SLC38A2: variants seen among roughly 807,000 people sequenced by gnomAD.
The protein encoded by SLC38A2 is solute carrier family 38 member 2, also known as sodium-coupled neutral amino acid symporter 2.
SLC38A2 carries 11 observed loss-of-function variants against 61.5 expected under a neutral mutation model. The observed-to-expected ratio is 0.18, with a 90% CI of 0.11 to 0.30. The LOEUF (loss-of-function observed/expected upper bound fraction) is 0.30, where lower values mean the gene tolerates loss of function less well. Ranked by LOEUF, SLC38A2 falls within the 10% of genes least tolerant of loss-of-function variation. The pLI, the probability that SLC38A2 is intolerant of heterozygous loss-of-function variation, is 1.00. For synonymous variants in SLC38A2, 217 were observed against 212.5 expected, an observed-to-expected ratio of 1.02 and a Z score of -0.18; for missense variants, 522 against 600.4, an observed-to-expected ratio of 0.87 and a Z score of 1.36.
chr12:46,372,276 G>A (rs1333447661), intron 1 of SLC38A2: 2 of 168,854 alleles, frequency 1.2e-5, no homozygotes, highest in Non-Finnish European at 2.5e-5. Flanking sequence ...ATGCGGCTCC[G>A]CACCGTGCAG....
In SLC38A2 at chr12:46,363,826, G is replaced by A; in HGVS notation, c.954C>T (p.Asp318=). ...AVLPIYEELK[D]RSRRRMMNVS... ...CATTCATCATTCTTCTACGGCTGCG[G>A]CTATGTAATTCAAGAGAAAATTCAA... Residue 318 remains aspartate, a splice_region_variant and synonymous_variant, in exon 12 of 16, where the codon GAC becomes GAT. Coordinates refer to ENST00000256689, the MANE Select transcript of SLC38A2 (RefSeq NM_018976.5). 6.3e-7 allele frequency: 1 copy of A among 1,590,758 alleles called. No homozygotes were observed. Among genetic ancestry groups the A allele is most frequent in the Non-Finnish European group, 8.5e-7 (1 of 1,171,870 alleles).
chr12:46,370,752 G>T, intron 3 of SLC38A2, 24 bp downstream of exon 3: 2 of 1,585,584 alleles, frequency 1.3e-6, no homozygotes, highest in South Asian at 2.2e-5. Context: ...GCCACTGACA[G>T]ACAAATTACT....
At chr12:46,364,918 T>C (rs968359923) in intron 8 of SLC38A2, 189 bp downstream of exon 8, 4 of 687,806 alleles carry the variant, frequency 5.8e-6, no homozygotes, top group African/African-American at 3.7e-5. Flanking sequence ...ATTTGCATTA[T>C]TTCTTACAAA....
intron 8 of SLC38A2, 182 bp downstream of exon 8, chr12:46,364,925 C>G: frequency 1.5e-6 from 1 of 687,652 alleles, no homozygotes; most frequent in South Asian, 2.0e-5. Flanking sequence ...TTATTTCTTA[C>G]AAAGCACAAC....
At position 46,372,745 on chromosome 12, in the gene SLC38A2, G is replaced by A. The variant is rs951784729; in HGVS notation, c.-323C>T. On this transcript the variant is annotated 5_prime_UTR_variant, in exon 1 of 16. The change creates a new upstream start codon in the 5' untranslated region. Transcript: ENST00000256689. The stretch of plus-strand genomic sequence containing the variant: ...CTGCTGCTAGCAGTACTGGAAAGGC[G>A]TTCTAAGGCGGCGGCGTCGCGCGGC... 4 of 398,272 alleles carry A rather than the reference G, an allele frequency of 1.0e-5. No individual in the cohort carries two copies. The highest frequency in any genetic ancestry group is 1.3e-4 in the South Asian group (1 of 7,866). 24.7% of individuals were successfully genotyped at this position (398,272 alleles called of 1,614,324 possible).
intron 4 of SLC38A2, chr12:46,367,547 T>A: frequency 1.7e-6 from 1 of 591,088 alleles, no homozygotes; most frequent in Admixed American, 3.2e-5. Flanking sequence ...ATTTCTCAGG[T>A]GATAGTTCTA....
intron 15 of SLC38A2, chr12:46,361,941 A>G (rs1229042121): frequency 5.4e-6 from 1 of 184,464 alleles, no homozygotes; most frequent in South Asian, 1.3e-4. Flanking sequence ...TCTCTTTTAT[A>G]TATTCAATGC....
intron 4 of SLC38A2, among the ~76,000 whole-genome samples, chr12:46,370,012 C>T (rs1057332103): frequency 3.9e-5 from 6 of 152,142 alleles, no homozygotes; most frequent in African/African-American, 9.7e-5. Context: ...ATGACCTCCT[C>T]GTCTTAAAAC....
chr12:46,365,358 T>C, intron 7 of SLC38A2, 169 bp from the exon 8 acceptor site: 1 of 634,878 alleles, frequency 1.6e-6, no homozygotes, highest in East Asian at 2.7e-5. Context: ...TTTAATTTTG[T>C]GTGCTAGATG....
rs2120575339 is a variant in SLC38A2, at chr12:46,371,387, A to T, written c.-86-8T>A. ...AGCGGCCCGCGAGTCGGCCTGCGAAAGTAGAGGCGGCGCGTCAGGACCGCA... is the reference window on the plus strand; with the variant it reads ...AGCGGCCCGCGAGTCGGCCTGCGAATGTAGAGGCGGCGCGTCAGGACCGCA... On this transcript the variant is annotated splice_polypyrimidine_tract_variant and splice_region_variant and intron_variant, in intron 1 of 15. Coordinates refer to ENST00000256689, the MANE Select transcript of SLC38A2 (RefSeq NM_018976.5). 1 of 1,001,766 alleles carries T rather than the reference A, an allele frequency of 1.0e-6. No homozygotes were observed. The highest frequency in any genetic ancestry group is 1.6e-5 in the African/African-American group (1 of 61,418). The allele number at this position is 1,001,766 out of a possible 1,614,324, so 62.1% of individuals were successfully genotyped here.
At chr12:46,371,115 A>G (rs1943192039) in intron 2 of SLC38A2, 63 bp downstream of exon 2, 2 of 1,319,296 alleles carry the variant, frequency 1.5e-6, no homozygotes, top group Non-Finnish European at 2.2e-6. Context: ...GCAGAGTCCT[A>G]GGTAACTCCC....
chr12:46,364,530 C>G lies in SLC38A2; in HGVS notation c.732G>C (p.Pro244=). Residue 244 remains proline (P), a synonymous_variant, in exon 10 of 16, where the codon CCG becomes CCC. Transcript: ENST00000256689. ...TTATCAAAGCAGCTTCCACAGGACA[C>G]GGAACCTGAAATTTCTTGCAAATGA... ...IVVICKKFQV[P]CPVEAALIIN... The G allele has an allele frequency of 6.2e-7, 1 of 1,606,784 alleles. No individual in the cohort carries two copies. Among genetic ancestry groups the G allele is most frequent in the Non-Finnish European group, 8.5e-7 (1 of 1,177,728 alleles).
chr12:46,360,270 C>G lies in SLC38A2; in HGVS notation c.*841G>C, dbSNP rs985052845. The G allele has an allele frequency of 1.3e-5, 2 of 152,608 alleles. No individual in the cohort carries two copies. Among genetic ancestry groups the G allele is most frequent in the Admixed American group, 1.3e-4 (2 of 15,284 alleles). 9.5% of individuals were successfully genotyped at this position (152,608 alleles called of 1,614,324 possible). On this transcript the variant is annotated 3_prime_UTR_variant, in exon 16 of 16. Coordinates refer to ENST00000256689, the MANE Select transcript of SLC38A2 (RefSeq NM_018976.5). ...TTTCCCACAGAAATATCTGCATTAT[C>G]TTCCATTCTAATAAGTTGAAGACAC... is the stretch of plus-strand genomic sequence containing the variant.
intron 2 of SLC38A2, 67 bp downstream of exon 2, chr12:46,371,111 T>A (rs1445218811): frequency 2.4e-6 from 3 of 1,274,748 alleles, no homozygotes; most frequent in East Asian, 2.3e-5. Flanking sequence ...GGAAGCAGAG[T>A]CCTAGGTAAC....
rs1036011341 is a variant in SLC38A2, at chr12:46,360,659, G to A, written c.*452C>T. ...AAAAGAGTGCTTCTGAGGTCTTTAA[G>A]TATTTTTGGTACAAAAAATAATAGT... On this transcript the variant is annotated 3_prime_UTR_variant, in exon 16 of 16. Coordinates refer to ENST00000256689, the MANE Select transcript of SLC38A2 (RefSeq NM_018976.5). The A allele has an allele frequency of 1.9e-5, 3 of 153,906 alleles. No individual in the cohort carries two copies. Among genetic ancestry groups the A allele is most frequent in the African/African-American group, 7.2e-5 (3 of 41,500 alleles). The allele number at this position is 153,906 out of a possible 1,614,324, so 9.5% of individuals were successfully genotyped here.
chr12:46,370,595 T>C lies in SLC38A2; in HGVS notation c.231A>G (p.Val77=). The C allele has an allele frequency of 6.2e-7, 1 of 1,614,128 alleles. No individual in the cohort carries two copies. Among genetic ancestry groups the C allele is most frequent in the Non-Finnish European group, 8.5e-7 (1 of 1,179,966 alleles). ...HPGTTSFGMS[V]FNLSNAIVGS... ...CCACAATCGCATTGCTCAGATTAAA[T>C]ACTGACATTCCAAAGGAAGTAGTAC... Residue 77 remains valine, a synonymous_variant, in exon 4 of 16, where the codon GTA becomes GTG. Transcript: ENST00000256689.
At position 46,372,496 on chromosome 12, in the gene SLC38A2, C is replaced by G. The variant is rs1231063855; in HGVS notation, c.-87+13G>C. 1.5e-5 allele frequency: 6 copies of G among 389,526 alleles called. No homozygotes were observed. The highest frequency in any genetic ancestry group is 8.9e-5 in the Admixed American group (2 of 22,388). The allele number at this position is 389,526 out of a possible 1,614,324, so 24.1% of individuals were successfully genotyped here. A position where few individuals can be genotyped will look rare whatever the true frequency, so the allele number is the denominator to read the frequency against. On this transcript the variant is annotated intron_variant, in intron 1 of 15. Transcript: ENST00000256689. ...CCGCGCCCTTCCCACAGACGCCCCC[C>G]CGCACGCGTTACCTCGGTGGTCTCT...
intron 1 of SLC38A2, 84 bp from the exon 2 acceptor site, chr12:46,371,463 G>T: frequency 5.0e-6 from 3 of 602,356 alleles, no homozygotes; most frequent in Middle Eastern, 9.0e-4. Flanking sequence ...CAGCGCGGCT[G>T]ATTCATCCCA....
intron 12 of SLC38A2, among the ~76,000 whole-genome samples, chr12:46,363,461 A>G (rs562426483): frequency 7.9e-5 from 12 of 152,060 alleles, no homozygotes; most frequent in Non-Finnish European, 1.3e-4. Context: ...GGAGACAGGC[A>G]ATATGAACTC....
Sources: allele counts gnomAD v4.1 joint callset (sites outside exome capture counted in the v4.1 genomes callset), GRCh38; gene constraint gnomAD v4.1.1; transcripts MANE v1.5; gene names NCBI Gene and HGNC (gene_info 2026-07-23, HGNC 2026-07-21).